Variants in ST18 observed in about 807,000 individuals in gnomAD.
ST18 encodes ST18 C2H2C-type zinc finger transcription factor.
A neutral mutation model predicts 110.0 loss-of-function variants in ST18; 50 were observed. That is an observed-to-expected ratio of 0.45 (90% CI 0.36 to 0.58). The LOEUF (loss-of-function observed/expected upper bound fraction) is 0.58, where lower values mean the gene tolerates loss of function less well. ST18 is among the 20% of genes least tolerant of loss of function. The pLI is 0.00. For missense variants in ST18, 1,306 were observed against 1,280.1 expected (o/e 1.02, Z -0.31); for synonymous variants, 461 against 452.4 (o/e 1.02, Z -0.24).
intron 8 of ST18, among the ~76,000 whole-genome samples, chr8:52,191,280 G>A (rs748799124): frequency 1.3e-5 from 2 of 152,216 alleles, no homozygotes; most frequent in Non-Finnish European, 2.9e-5. Context: ...GCCATGTCAT[G>A]TGCAGCAAAG....
At chr8:52,250,445 CAAAAAAAA>C (rs1159770176) in intron 2 of ST18, among the ~76,000 whole-genome samples, 3 of 4,280 alleles carry the variant, frequency 7.0e-4, no homozygotes, top group African/African-American at 2.0e-3. Context: ...GCCTCAAAGG[CAAAAAAAA>C]AAAAAAAAAA....
chr8:52,407,710 A>T (rs1026279744), intron 2 of ST18: 1 of 152,204 alleles, frequency 6.6e-6, no homozygotes, highest in African/African-American at 2.4e-5. Flanking sequence ...ACGCTGTCCA[A>T]AAACGGCTAC....
At chr8:52,121,629 G>C (rs2044847477) in intron 23 of ST18, among the ~76,000 whole-genome samples, 1 of 152,152 alleles carries the variant, frequency 6.6e-6, no homozygotes, top group South Asian at 2.1e-4. Flanking sequence ...AAGTTACAAA[G>C]TAAGTGGTAC....
rs770975075 is a variant in ST18, at chr8:52,166,961, C to G, written c.1095G>C (p.Glu365Asp). 4 of 1,611,234 alleles carry G rather than the reference C, an allele frequency of 2.5e-6. No homozygotes were observed. The highest frequency in any genetic ancestry group is 3.4e-6 in the Non-Finnish European group (4 of 1,177,904). Reference sequence around the variant, plus strand: ...CACATCCAGGGATCGGGCACTTGGTCTCCCTCTTTTCAGGCCTTGGTGAAT... The same window carrying G: ...CACATCCAGGGATCGGGCACTTGGTGTCCCTCTTTTCAGGCCTTGGTGAAT... ...NKHSPRPEKR[E>D]TKCPIPGCDG... The change falls in exon 11 of 26, where the codon GAG becomes GAC. Residue 365 changes from glutamate to aspartate, a missense_variant. Coordinates refer to ENST00000689386, the MANE Select transcript of ST18 (RefSeq NM_001352837.2).
chr8:52,186,345 A>T (rs904281231), intron 8 of ST18, among the ~76,000 whole-genome samples: 2 of 152,190 alleles, frequency 1.3e-5, no homozygotes, highest in African/African-American at 2.4e-5. Flanking sequence ...GTCTCCAGGG[A>T]AATGCAAACA....
chr8:52,261,870 A>T (rs749529926), intron 2 of ST18, among the ~76,000 whole-genome samples: 3 of 152,146 alleles, frequency 2.0e-5, no homozygotes, highest in Non-Finnish European at 4.4e-5. Context: ...TTATTTTTCT[A>T]AAAAGGAAAT....
At chr8:52,264,420 C>T (rs900069778) in intron 2 of ST18, among the ~76,000 whole-genome samples, 2 of 152,120 alleles carry the variant, frequency 1.3e-5, no homozygotes, top group African/African-American at 4.8e-5. Context: ...TCAGCAAAAC[C>T]AAGCTCTAGT....
intron 2 of ST18, among the ~76,000 whole-genome samples, chr8:52,268,468 C>CGTCT (rs57241279): frequency 2.7e-5 from 4 of 148,722 alleles, no homozygotes; most frequent in East Asian, 4.0e-4. Flanking sequence ...ATCTATCTAT[C>CGTCT]ATCTATCTAT....
At chr8:52,391,700 A>G (rs1169455874) in intron 2 of ST18, among the ~76,000 whole-genome samples, 1 of 152,204 alleles carries the variant, frequency 6.6e-6, no homozygotes, top group Non-Finnish European at 1.5e-5. Flanking sequence ...ACTACCATCC[A>G]TGTTTGTGTC....
At chr8:52,150,018 G>C in intron 15 of ST18, 41 bp from the exon 16 acceptor site, 1 of 1,585,496 alleles carries the variant, frequency 6.3e-7, no homozygotes, top group Non-Finnish European at 8.6e-7. Flanking sequence ...TAAGCAGTTT[G>C]CAGTTACAGC....
intron 8 of ST18, among the ~76,000 whole-genome samples, chr8:52,200,665 A>C (rs1200850034): frequency 6.6e-6 from 1 of 152,168 alleles, no homozygotes; most frequent in Admixed American, 6.5e-5. Flanking sequence ...GATTGGAGTG[A>C]GCCGCGATGG....
Position 52,170,584 on chromosome 8 carries a change from T to C in ST18, c.1069+1208A>G, listed in dbSNP as rs140919262. 5.3e-5 allele frequency among the ~76,000 whole-genome samples: 8 copies of C among 152,242 alleles called. No homozygotes were observed. In the East Asian group the frequency reaches 1.4e-3, roughly 26 times the overall value. On this transcript the variant is annotated intron_variant, in intron 10 of 25. Transcript: ENST00000689386. ...CGGGAATTTTGAGTAAATTTCATTT[T>C]TTTTTCTGATTTTGTAGTTTACTTA...
At chr8:52,324,301 TGATG>T (rs201977608) in intron 2 of ST18, among the ~76,000 whole-genome samples, 7,442 of 150,914 alleles carry the variant, frequency 0.049, 355 homozygotes, top group African/African-American at 0.12. Context: ...GGTTGATAGA[TGATG>T]GATGGATGGA....
intron 2 of ST18, among the ~76,000 whole-genome samples, chr8:52,318,996 G>A (rs995367579): frequency 1.3e-5 from 2 of 152,128 alleles, no homozygotes; most frequent in Non-Finnish European, 2.9e-5. Flanking sequence ...ATACCTGGAT[G>A]ATGGGATGAT....
At chr8:52,365,445 T>C (rs1827483774) in intron 2 of ST18, among the ~76,000 whole-genome samples, 1 of 152,034 alleles carries the variant, frequency 6.6e-6, no homozygotes, top group Non-Finnish European at 1.5e-5. Context: ...AGTTAAGAGT[T>C]AGGAATATAT....
chr8:52,285,567 G>T (rs2095456655), intron 2 of ST18, among the ~76,000 whole-genome samples: 1 of 152,158 alleles, frequency 6.6e-6, no homozygotes, highest in African/African-American at 2.4e-5. Flanking sequence ...CTAAGTCCAA[G>T]AAAAAGGTGG....
At chr8:52,217,528 T>G (rs1043879320) in intron 6 of ST18, among the ~76,000 whole-genome samples, 1 of 152,116 alleles carries the variant, frequency 6.6e-6, no homozygotes, top group Non-Finnish European at 1.5e-5. Flanking sequence ...GTCCCAGTTT[T>G]CTGGGGAGAG....
intron 2 of ST18, among the ~76,000 whole-genome samples, chr8:52,301,673 A>G (rs2139541697): frequency 6.6e-6 from 1 of 152,370 alleles, no homozygotes; most frequent in East Asian, 1.9e-4. Context: ...ACATTATTCA[A>G]CATTTCCCTG....
At position 52,133,301 on chromosome 8, in the gene ST18, C is replaced by G; in HGVS notation, c.2301G>C (p.Lys767Asn). ...SLMAANSQELKCPTPGCDGSG... is the reference protein window; with the variant it reads ...SLMAANSQELNCPTPGCDGSG... Reference sequence around the variant, plus strand: ...AGCCATCGCAGCCTGGGGTTGGACACCTGGAAGGCACAGGAAGAGAGCATG... The same window carrying G: ...AGCCATCGCAGCCTGGGGTTGGACAGCTGGAAGGCACAGGAAGAGAGCATG... Residue 767 changes from lysine to asparagine, a missense_variant and splice_region_variant, in exon 20 of 26, where the codon AAG (lysine) becomes AAC (asparagine). Lys to Asn is a moderately conservative substitution (Grantham distance 94, BLOSUM62 0). Transcript: ENST00000689386. The G allele has an allele frequency of 6.2e-7, 1 of 1,614,074 alleles. No individual in the cohort carries two copies.
Sources: allele counts gnomAD v4.1 joint callset (sites outside exome capture counted in the v4.1 genomes callset), GRCh38; gene constraint gnomAD v4.1.1; transcripts MANE v1.5; gene names NCBI Gene and HGNC (gene_info 2026-07-23, HGNC 2026-07-21).